Variants in CLEC17A observed in about 807,000 individuals in gnomAD.
CLEC17A encodes C-type lectin domain family 17, member A.
A neutral mutation model predicts 61.3 loss-of-function variants in CLEC17A; 37 were observed. The ratio of observed to expected loss-of-function variants is 0.60; its 90% CI spans 0.46 to 0.79. CLEC17A has a LOEUF of 0.79. CLEC17A is among the 30% of genes least tolerant of loss of function. The pLI is 0.00. For synonymous variants in CLEC17A, 168 were observed against 164.9 expected, an observed-to-expected ratio of 1.02 and a Z score of -0.14; for missense variants, 418 against 464.7, an observed-to-expected ratio of 0.90 and a Z score of 0.92.
At position 14,592,375 on chromosome 19, in the gene CLEC17A, G is replaced by C; in HGVS notation, c.277+17G>C. 1 of 1,610,564 alleles carries C rather than the reference G, an allele frequency of 6.2e-7. No individual in the cohort carries two copies. The highest frequency in any genetic ancestry group is 8.5e-7 in the Non-Finnish European group (1 of 1,178,314). ...CCAAGCCAGGTAAGAGGACTTTTTGGAGTGTGACCTGGGGGAATACAGGGA... is the reference window on the plus strand; with the variant it reads ...CCAAGCCAGGTAAGAGGACTTTTTGCAGTGTGACCTGGGGGAATACAGGGA... On this transcript the variant is annotated intron_variant, in intron 4 of 13. Coordinates refer to ENST00000417570, the MANE Select transcript of CLEC17A (RefSeq NM_001204118.2).
At chr19:14,593,581 G>T (rs1202184332) in intron 4 of CLEC17A, among the ~76,000 whole-genome samples, 1 of 152,074 alleles carries the variant, frequency 6.6e-6, no homozygotes, top group African/African-American at 2.4e-5. Context: ...AGGATTGCTA[G>T]AACCCGGGAG....
intron 2 of CLEC17A, among the ~76,000 whole-genome samples, chr19:14,586,546 C>T (rs2074285614): frequency 6.6e-6 from 1 of 152,118 alleles, no homozygotes; most frequent in African/African-American, 2.4e-5. Flanking sequence ...CCTCAGCCTC[C>T]TGATAGCTGG....
chr19:14,607,081 A>G lies in CLEC17A; in HGVS notation c.983A>G (p.Asp328Gly). Reference sequence around the variant, plus strand: ...CAGGAAGGGGACTGGAGGTGGCTGGATGGGTCTCCTGTGACATTAAGGCAA... The same window carrying G: ...CAGGAAGGGGACTGGAGGTGGCTGGGTGGGTCTCCTGTGACATTAAGGCAA... ...RAQEGDWRWL[D>G]GSPVTLSFWE... Residue 328 changes from aspartate to glycine, a missense_variant, in exon 13 of 14, where the codon GAT (aspartate) becomes GGT (glycine). Coordinates refer to ENST00000417570, the MANE Select transcript of CLEC17A (RefSeq NM_001204118.2). 2.3e-6 allele frequency: 3 copies of G among 1,326,446 alleles called. No homozygotes were observed. Among genetic ancestry groups the G allele is most frequent in the Non-Finnish European group, 2.9e-6 (3 of 1,031,124 alleles). 82.2% of individuals were successfully genotyped at this position (1,326,446 alleles called of 1,614,324 possible).
At chr19:14,601,379 A>T (rs12976248) in intron 12 of CLEC17A, among the ~76,000 whole-genome samples, 1 of 152,160 alleles carries the variant, frequency 6.6e-6, no homozygotes, top group Non-Finnish European at 1.5e-5. Flanking sequence ...CCGTGCAACC[A>T]GAAGGAGGAT....
rs1001320758 is a variant in CLEC17A at position 14,610,244 on chromosome 19, T to C, written c.*48T>C. 2.6e-6 allele frequency: 4 copies of C among 1,542,178 alleles called. No homozygotes were observed. The African/African-American group carries it at 5.5e-5, about 21-fold the overall frequency. On this transcript the variant is annotated 3_prime_UTR_variant, in exon 14 of 14. Transcript: ENST00000417570. ...TCCATATCTGAGTGTCTCTTTGAGA[T>C]GAGAATCTCCTGCCCTTTCGTGGAC...
intron 12 of CLEC17A, among the ~76,000 whole-genome samples, chr19:14,601,222 T>C (rs997639805): frequency 1.3e-5 from 2 of 152,096 alleles, no homozygotes; most frequent in African/African-American, 4.8e-5. Flanking sequence ...TACTTTATGC[T>C]GCGGTAACAG....
intron 12 of CLEC17A, among the ~76,000 whole-genome samples, chr19:14,604,038 C>T (rs992217832): frequency 6.6e-6 from 1 of 152,180 alleles, no homozygotes; most frequent in Non-Finnish European, 1.5e-5. Context: ...GCCTGGAGGT[C>T]TTTTCCTGCT....
chr19:14,610,695 A>G lies in CLEC17A; in HGVS notation c.*499A>G, dbSNP rs775113566. On this transcript the variant is annotated 3_prime_UTR_variant, in exon 14 of 14. Transcript: ENST00000417570. The stretch of plus-strand genomic sequence containing the variant: ...CCACCATGCCTGGCCAATTTTTTGT[A>G]GCATTTAAAGAGAGGGAGTCTCACT... 1 of 156,310 alleles carries G rather than the reference A, an allele frequency of 6.4e-6. No individual in the cohort carries two copies. The highest frequency in any genetic ancestry group is 1.4e-5 in the Non-Finnish European group (1 of 70,546). The allele number at this position is 156,310 out of a possible 1,614,324, so 9.7% of individuals were successfully genotyped here. A position where few individuals can be genotyped will look rare whatever the true frequency, so the allele number is the denominator to read the frequency against.
chr19:14,607,124 G>A (rs927754521), intron 13 of CLEC17A, 22 bp downstream of exon 13: 16 of 1,179,708 alleles, frequency 1.4e-5, no homozygotes, highest in African/African-American at 4.7e-5. Flanking sequence ...GGTTTCCTGG[G>A]GTCTCTCTGC....
At chr19:14,608,676 C>T (rs2074966875) in intron 13 of CLEC17A, among the ~76,000 whole-genome samples, 1 of 148,292 alleles carries the variant, frequency 6.7e-6, no homozygotes, top group African/African-American at 2.5e-5. Context: ...CTCTGTTGCC[C>T]AGGCTGAAGT....
At chr19:14,591,433 C>T (rs1433781091) in intron 3 of CLEC17A, among the ~76,000 whole-genome samples, 72 of 147,302 alleles carry the variant, frequency 4.9e-4, no homozygotes, top group African/African-American at 1.8e-3. Flanking sequence ...GGATTACAGG[C>T]GTGAGCCACC....
chr19:14,598,201 A>G (rs1445470181), intron 10 of CLEC17A, among the ~76,000 whole-genome samples: 4 of 152,066 alleles, frequency 2.6e-5, no homozygotes, highest in Non-Finnish European at 4.4e-5. Context: ...CATGTCTGTA[A>G]TCCTAGCACT....
chr19:14,610,149 T>C lies in CLEC17A; in HGVS notation c.1090T>C (p.Cys364Arg). 6.2e-7 allele frequency: 1 copy of C among 1,600,812 alleles called. No individual in the cohort carries two copies. The highest frequency in any genetic ancestry group is 8.5e-7 in the Non-Finnish European group (1 of 1,173,462). Residue 364 changes from cysteine (C) to arginine (R), a missense_variant, in exon 14 of 14, where the codon TGC (cysteine) becomes CGC (arginine). Cys to Arg is a radical substitution (Grantham distance 180). Coordinates refer to ENST00000417570, the MANE Select transcript of CLEC17A (RefSeq NM_001204118.2). ...NKGGTWNDLS[C>R]YKTTYWICER... ...AGGTGGCACCTGGAATGATCTCTCT[T>C]GCTACAAAACTACGTATTGGATTTG...
intron 12 of CLEC17A, among the ~76,000 whole-genome samples, chr19:14,602,013 C>T (rs375988758): frequency 2.5e-4 from 38 of 151,976 alleles, no homozygotes; most frequent in Middle Eastern, 6.8e-3. Flanking sequence ...AGGATGGTCT[C>T]GATCTCCTGA....
In CLEC17A at chr19:14,593,062, C is replaced by A. The variant is rs979077366; in HGVS notation, c.277+704C>A. On this transcript the variant is annotated intron_variant, in intron 4 of 13. Transcript: ENST00000417570. ...TGGTGCTTGAGAAACTGGGAGTGGC[C>A]TGTGGGCTCCTCAATCTCCTCTCAT... 4.6e-5 allele frequency among the ~76,000 whole-genome samples: 7 copies of A among 152,108 alleles called. No individual in the cohort carries two copies. The East Asian group carries it at 1.3e-3, about 29-fold the overall frequency.
chr19:14,591,233 C>T (rs1275681263), intron 3 of CLEC17A, among the ~76,000 whole-genome samples: 1 of 151,416 alleles, frequency 6.6e-6, no homozygotes, highest in African/African-American at 2.4e-5. Flanking sequence ...CGGCTCACTG[C>T]AAGCTCCGCC....
At position 14,592,303 on chromosome 19, in the gene CLEC17A, G is replaced by A; in HGVS notation, c.222G>A (p.Glu74=). 6.2e-7 allele frequency: 1 copy of A among 1,601,000 alleles called. No homozygotes were observed. The highest frequency in any genetic ancestry group is 8.5e-7 in the Non-Finnish European group (1 of 1,173,778). ...PKPGTMEEEE[E]DDDYENSTPP... ...AAGGGACCATGGAGGAGGAGGAGGA[G>A]GATGATGACTATGAGAACTCAACAC... The change falls in exon 4 of 14, where the codon GAG becomes GAA. Residue 74 remains glutamate, a synonymous_variant. Transcript: ENST00000417570.
chr19:14,582,852 T>C (rs10407430), upstream of CLEC17A, among the ~76,000 whole-genome samples: 36,227 of 151,270 alleles, frequency 0.24, 7,980 homozygotes, highest in African/African-American at 0.59. Flanking sequence ...AAGTGATCCA[T>C]CCACCTCAGC....
intron 4 of CLEC17A, among the ~76,000 whole-genome samples, chr19:14,592,870 T>A (rs2074455365): frequency 6.6e-6 from 1 of 152,100 alleles, no homozygotes; most frequent in African/African-American, 2.4e-5. Context: ...TTCACCATAT[T>A]GGCCAGGATG....
Sources: gnomAD v4.1 joint callset for allele counts (sites outside exome capture counted in the v4.1 genomes callset) on GRCh38, gnomAD v4.1.1 for gene constraint, MANE v1.5 for transcripts, NCBI Gene and HGNC (gene_info 2026-07-23, HGNC 2026-07-21) for gene names.